Variants in ARID3A observed in about 807,000 individuals in gnomAD.
ARID3A encodes AT-rich interaction domain 3A, also known as AT-rich interactive domain-containing protein 3A.
A neutral mutation model predicts 52.7 loss-of-function variants in ARID3A; 11 were observed. The ratio of observed to expected loss-of-function variants is 0.21; its 90% CI spans 0.13 to 0.35. ARID3A has a LOEUF of 0.35. ARID3A is among the 10% of genes least tolerant of loss of function. ARID3A has a pLI of 1.00. For synonymous variants in ARID3A, 404 were observed against 359.4 expected, an observed-to-expected ratio of 1.12 and a Z score of -1.40; for missense variants, 721 against 838.5, an observed-to-expected ratio of 0.86 and a Z score of 1.73.
chr19:956,696 CG>C, intron 3 of ARID3A: 1 of 152,750 alleles, frequency 6.5e-6, no homozygotes, highest in Admixed American at 6.5e-5. Flanking sequence ...AGCTGGACCT[CG>C]GGCAGCCTCG....
At chr19:931,465 A>AAC (rs2145351496) in intron 2 of ARID3A, among the ~76,000 whole-genome samples, 1 of 151,442 alleles carries the variant, frequency 6.6e-6, no homozygotes, top group Admixed American at 6.6e-5. Flanking sequence ...AAAAAAAAAA[A>AAC]AACAACCAAA....
At position 942,821 on chromosome 19, in the gene ARID3A, C is replaced by T. The variant is rs1015370354; in HGVS notation, c.693+10079C>T. On this transcript the variant is annotated intron_variant, in intron 3 of 8. Coordinates refer to ENST00000263620, the MANE Select transcript of ARID3A (RefSeq NM_005224.3). The surrounding 1 kb of genome is among the most constrained non-coding windows in gnomAD (Gnocchi z 8.1). ...GGAGAACGTGAGAGCAAGTAAGAAC[C>T]CGCCTTCCGGGAGGAGCCCCGTCTG... is the stretch of plus-strand genomic sequence containing the variant. Among the ~76,000 whole-genome samples the T allele has an allele frequency of 6.6e-6, 1 of 152,208 alleles. No individual in the cohort carries two copies. The highest frequency in any genetic ancestry group is 1.5e-5 in the Non-Finnish European group (1 of 68,036).
In ARID3A at chr19:944,919, T is replaced by G. The variant is rs1351984045; in HGVS notation, c.693+12177T>G. ...CTGTCTCCATCTCTTCTTTCTCCTC[T>G]CCCCTCTCCCTGTCTCTGCCACCCG... On this transcript the variant is annotated intron_variant, in intron 3 of 8. Coordinates refer to ENST00000263620, the MANE Select transcript of ARID3A (RefSeq NM_005224.3). The surrounding 1 kb of genome is among the most constrained non-coding windows in gnomAD (Gnocchi z 5.9). Among the ~76,000 whole-genome samples the G allele has an allele frequency of 6.6e-6, 1 of 152,056 alleles. No homozygotes were observed. Among genetic ancestry groups the G allele is most frequent in the Non-Finnish European group, 1.5e-5 (1 of 67,986 alleles).
At chr19:966,952 C>A (rs2038171076) in intron 7 of ARID3A, 84 bp downstream of exon 7, 2 of 1,397,424 alleles carry the variant, frequency 1.4e-6, no homozygotes, top group South Asian at 1.6e-5. Flanking sequence ...GTAAAGAGTG[C>A]CAACAAATCA....
At chr19:933,349 T>C (rs1404811690) in intron 3 of ARID3A, among the ~76,000 whole-genome samples, 1 of 152,096 alleles carries the variant, frequency 6.6e-6, no homozygotes, top group Non-Finnish European at 1.5e-5. Flanking sequence ...CGCCCCAGCC[T>C]TTCCCCGCAG....
chr19:939,778 CCTGTTGTAAGCAATA>C (rs1299536426), intron 3 of ARID3A, among the ~76,000 whole-genome samples: 11 of 152,152 alleles, frequency 7.2e-5, no homozygotes, highest in African/African-American at 2.7e-4. Context: ...CGGTCATTTC[CCTGTTGTAAGCAATA>C]CTGTAACGAA....
rs1304643483 is a variant in ARID3A, at chr19:944,255, G to A, written c.693+11513G>A. ...GACGTCGGCAGCGCGGTGGAGGGCGGGCCTGTCTCGCCGTTATCTCCCAGG... is the reference window on the plus strand; with the variant it reads ...GACGTCGGCAGCGCGGTGGAGGGCGAGCCTGTCTCGCCGTTATCTCCCAGG... On this transcript the variant is annotated intron_variant, in intron 3 of 8. Transcript: ENST00000263620. This position sits in a 1 kb window ranked among gnomAD's most constrained non-coding sequence, Gnocchi z 5.9. Among the ~76,000 whole-genome samples, 2 of 151,886 alleles carry A rather than the reference G, an allele frequency of 1.3e-5. No homozygotes were observed. The highest frequency in any genetic ancestry group is 2.9e-5 in the Non-Finnish European group (2 of 68,024).
rs1330401127 is a variant in ARID3A at position 966,711 on chromosome 19, G to T, written c.1338G>T (p.Leu446=). 3 of 1,612,250 alleles carry T rather than the reference G, an allele frequency of 1.9e-6. No individual in the cohort carries two copies. The highest frequency in any genetic ancestry group is 2.5e-6 in the Non-Finnish European group (3 of 1,179,622). ...CTGTGGCCGCACAGGCAGCTGCCCT[G>T]GAACAGCTGCGGGAGAAGCTGGAGT... is the stretch of plus-strand genomic sequence containing the variant. ...QAAVAAQAAA[L]EQLREKLESA... Residue 446 remains leucine, a synonymous_variant, in exon 7 of 9, where the codon CTG becomes CTT. Transcript: ENST00000263620.
intron 2 of ARID3A, among the ~76,000 whole-genome samples, chr19:930,571 G>A (rs1216801399): frequency 4.7e-5 from 7 of 148,290 alleles, no homozygotes; most frequent in East Asian, 2.1e-4. Flanking sequence ...GTGCAGTGGC[G>A]TGATCTCAGC....
chr19:960,227 C>A lies in ARID3A; in HGVS notation c.766+63C>A. 6.8e-7 allele frequency: 1 copy of A among 1,480,322 alleles called. No individual in the cohort carries two copies. Among genetic ancestry groups the A allele is most frequent in the Admixed American group, 1.8e-5 (1 of 54,190 alleles). 91.7% of individuals were successfully genotyped at this position (1,480,322 alleles called of 1,614,324 possible). On this transcript the variant is annotated intron_variant, in intron 4 of 8. Coordinates refer to ENST00000263620, the MANE Select transcript of ARID3A (RefSeq NM_005224.3). This position sits in a 1 kb window ranked among gnomAD's most constrained non-coding sequence, Gnocchi z 4.3. The stretch of plus-strand genomic sequence containing the variant: ...CAGAAACAGGGCTGTAGGAGGGGCC[C>A]TACTGGCTCCAGGTATGTCGGGGCG...
Position 942,400 on chromosome 19 carries a change from C to T in ARID3A, c.693+9658C>T, listed in dbSNP as rs893865458. Among the ~76,000 whole-genome samples the T allele has an allele frequency of 2.0e-5, 3 of 152,282 alleles. No individual in the cohort carries two copies. Among genetic ancestry groups the T allele is most frequent in the East Asian group, 3.9e-4 (2 of 5,180 alleles). On this transcript the variant is annotated intron_variant, in intron 3 of 8. Transcript: ENST00000263620. The surrounding 1 kb of genome is among the most constrained non-coding windows in gnomAD (Gnocchi z 8.1). ...TTGACTCAAGGTCCTCTCCACTGGC[C>T]GCCGGGAGCCGGGCCGGGAGCCGCT...
At position 974,965 on chromosome 19, in the gene ARID3A, A is replaced by AG. The variant is rs1445081673; in HGVS notation, c.*2901dup. 10 of 230,916 alleles carry AG rather than the reference A, an allele frequency of 4.3e-5. No individual in the cohort carries two copies. The Admixed American group carries it at 5.6e-4, about 13-fold the overall frequency. 14.3% of individuals were successfully genotyped at this position (230,916 alleles called of 1,614,324 possible). The stretch of plus-strand genomic sequence containing the variant: ...GGCCGTGGAAATGGGAGGCGGTTGC[A>AG]GAGGGTCTATGGGGCCCGGTCCTGG... On this transcript the variant is annotated 3_prime_UTR_variant, in exon 9 of 9. Coordinates refer to ENST00000263620, the MANE Select transcript of ARID3A (RefSeq NM_005224.3).
At chr19:949,671 T>G (rs1291831844) in intron 3 of ARID3A, among the ~76,000 whole-genome samples, 2 of 127,208 alleles carry the variant, frequency 1.6e-5, no homozygotes, top group African/African-American at 3.0e-5. Flanking sequence ...AGACCCTGAT[T>G]CTGTCTTTTT....
intron 3 of ARID3A, among the ~76,000 whole-genome samples, chr19:953,417 G>A (rs2037843999): frequency 6.6e-6 from 1 of 151,826 alleles, no homozygotes; most frequent in Admixed American, 6.6e-5. Context: ...GCCCCCTCCA[G>A]AGGGGCCCGG....
At chr19:940,928 G>A (rs10404332) in intron 3 of ARID3A, among the ~76,000 whole-genome samples, 1 of 151,766 alleles carries the variant, frequency 6.6e-6, no homozygotes, top group Non-Finnish European at 1.5e-5. Context: ...GGGTGGGTGG[G>A]TGCCCGCCAG....
chr19:955,460 C>T (rs748035433), intron 3 of ARID3A, among the ~76,000 whole-genome samples: 1 of 152,224 alleles, frequency 6.6e-6, no homozygotes, highest in Admixed American at 6.5e-5. Context: ...GCCTCGCCAC[C>T]GGCCCAGTTC....
intron 7 of ARID3A, among the ~76,000 whole-genome samples, chr19:967,495 G>A (rs2038184437): frequency 6.6e-6 from 1 of 152,200 alleles, no homozygotes; most frequent in Admixed American, 6.5e-5. Context: ...GGAAGTCGAG[G>A]CTGCAGTGAG....
At chr19:970,498 CTTTTTTTTTTTT>C (rs1177419405) in intron 8 of ARID3A, among the ~76,000 whole-genome samples, 4 of 88,346 alleles carry the variant, frequency 4.5e-5, no homozygotes, top group Admixed American at 3.4e-4. Flanking sequence ...AATAGTTTTT[CTTTTTTTTTTTT>C]TTTTTTTTTT....
intron 3 of ARID3A, among the ~76,000 whole-genome samples, chr19:933,506 G>A (rs1385831895): frequency 6.6e-6 from 1 of 152,182 alleles, no homozygotes. Flanking sequence ...GCGCGGCTGG[G>A]GGGAGCCACC....
Sources: allele counts gnomAD v4.1 joint callset (sites outside exome capture counted in the v4.1 genomes callset), GRCh38; gene constraint gnomAD v4.1.1; non-coding constraint Gnocchi (gnomAD v3.1); transcripts MANE v1.5; gene names NCBI Gene and HGNC (gene_info 2026-07-23, HGNC 2026-07-21).